ITIH5: variants seen among roughly 807,000 people sequenced by gnomAD.
ITIH5 encodes inter-alpha-trypsin inhibitor heavy chain 5.
In ITIH5, 65 loss-of-function variants were observed where a neutral mutation model predicts 77.5. The ratio of observed to expected loss-of-function variants is 0.84; its 90% CI spans 0.69 to 1.03. ITIH5 has a LOEUF of 1.03. ITIH5 is among the 50% of genes least tolerant of loss of function. The probability of loss-of-function intolerance (pLI) is 0.00; values close to 1 mark genes in which losing one functional copy is unlikely to be tolerated. For missense variants in ITIH5, 1,208 were observed against 1,213.1 expected (o/e 1.00, Z 0.06); for synonymous variants, 525 against 494.3 (o/e 1.06, Z -0.82).
chr10:7,567,481 C>T (rs112242464), intron 12 of ITIH5, among the ~76,000 whole-genome samples: 3,531 of 145,586 alleles, frequency 0.024, 71 homozygotes, highest in Non-Finnish European at 0.037. Context: ...CATGCTATCC[C>T]GCCCCCCTAC....
In ITIH5 at chr10:7,566,271, T is replaced by C; in HGVS notation, c.2286A>G (p.Arg762=). 1.2e-6 allele frequency: 2 copies of C among 1,613,528 alleles called. No individual in the cohort carries two copies. The highest frequency in any genetic ancestry group is 1.7e-6 in the Non-Finnish European group (2 of 1,179,800). Residue 762 remains arginine (R), a synonymous_variant, in exon 13 of 14, where the codon AGA becomes AGG. Coordinates refer to ENST00000397146, the MANE Select transcript of ITIH5 (RefSeq NM_030569.7). ...GTCTGTCCCCACCATCCAAGATGAC[T>C]CTGCTCGGTGTGATCTCGAGATAAG... The part of the protein sequence containing the change: ...ERSYLEITPS[R]VILDGGDRLV...
At chr10:7,616,396 T>C (rs952401087) in intron 6 of ITIH5, among the ~76,000 whole-genome samples, 4 of 142,852 alleles carry the variant, frequency 2.8e-5, no homozygotes, top group Non-Finnish European at 6.0e-5. Flanking sequence ...TCCTTCATTA[T>C]GTTTTTTTTA....
chr10:7,602,446 T>G (rs1244060351), intron 7 of ITIH5, among the ~76,000 whole-genome samples: 1 of 152,308 alleles, frequency 6.6e-6, no homozygotes, highest in Non-Finnish European at 1.5e-5. Context: ...AACTAAATCA[T>G]GGAGGCGGTT....
At chr10:7,628,376 T>A (rs907875679) in intron 5 of ITIH5, among the ~76,000 whole-genome samples, 1 of 152,380 alleles carries the variant, frequency 6.6e-6, no homozygotes, top group African/African-American at 2.4e-5. Flanking sequence ...ATCATACACA[T>A]GTGACCTTTT....
intron 3 of ITIH5, 89 bp downstream of exon 3, chr10:7,641,838 C>T: frequency 9.5e-7 from 1 of 1,047,434 alleles, no homozygotes; most frequent in South Asian, 1.5e-5. Context: ...TATAAATCCT[C>T]ACAGTCACAA....
chr10:7,573,136 C>T lies in ITIH5; in HGVS notation c.2032+6G>A, dbSNP rs768047108. 67 of 1,612,738 alleles carry T rather than the reference C, an allele frequency of 4.2e-5. No homozygotes were observed. Among genetic ancestry groups the T allele is most frequent in the Non-Finnish European group, 5.3e-5 (63 of 1,178,936 alleles). The stretch of plus-strand genomic sequence containing the variant: ...AATCCACACACAACCGCATCCTTTG[C>T]TTTACCTGATGTTTTAGAGATTTTA... On this transcript the variant is annotated splice_donor_region_variant and intron_variant, in intron 11 of 13. Coordinates refer to ENST00000397146, the MANE Select transcript of ITIH5 (RefSeq NM_030569.7).
intron 7 of ITIH5, among the ~76,000 whole-genome samples, chr10:7,608,038 T>G (rs1833166716): frequency 6.6e-6 from 1 of 152,218 alleles, no homozygotes. Context: ...TTGTCGATTT[T>G]TATTTGCATG....
chr10:7,562,282 A>T lies in ITIH5; in HGVS notation c.*801T>A, dbSNP rs1319338377. 6.6e-6 allele frequency: 1 copy of T among 152,256 alleles called. No individual in the cohort carries two copies. The highest frequency in any genetic ancestry group is 1.5e-5 in the Non-Finnish European group (1 of 68,046). 9.4% of individuals were successfully genotyped at this position (152,256 alleles called of 1,614,324 possible). A position where few individuals can be genotyped will look rare whatever the true frequency, so the allele number is the denominator to read the frequency against. On this transcript the variant is annotated 3_prime_UTR_variant, in exon 14 of 14. Transcript: ENST00000397146. Reference sequence around the variant, plus strand: ...TTGGCCAACTCTTCGTCACCAAGACATGCCAGTAAAATCAACCACATGGAG... The same window carrying T: ...TTGGCCAACTCTTCGTCACCAAGACTTGCCAGTAAAATCAACCACATGGAG...
intron 2 of ITIH5, among the ~76,000 whole-genome samples, chr10:7,648,399 A>C (rs1834040390): frequency 6.6e-6 from 1 of 152,266 alleles, no homozygotes; most frequent in African/African-American, 2.4e-5. Context: ...AACCTCAGTT[A>C]TCATCCATTA....
At chr10:7,606,009 A>G (rs10752112) in intron 7 of ITIH5, among the ~76,000 whole-genome samples, 151,370 of 152,356 alleles carry the variant, frequency 0.99, 75,201 homozygotes, top group Middle Eastern at 1. Context: ...AGCACCCCAA[A>G]CTCTATACTG....
At chr10:7,629,513 G>A (rs1004010812) in intron 5 of ITIH5, among the ~76,000 whole-genome samples, 7 of 128,014 alleles carry the variant, frequency 5.5e-5, no homozygotes, top group African/African-American at 8.1e-5. Context: ...ATGTTGCAGC[G>A]TGTGTCCGTG....
intron 5 of ITIH5, among the ~76,000 whole-genome samples, chr10:7,630,394 T>G (rs1215011438): frequency 6.6e-6 from 1 of 152,254 alleles, no homozygotes; most frequent in East Asian, 1.9e-4. Context: ...TCGTTTTAAC[T>G]TTTTAAGGAA....
chr10:7,653,146 A>C (rs936815597), intron 2 of ITIH5, among the ~76,000 whole-genome samples: 1 of 152,234 alleles, frequency 6.6e-6, no homozygotes, highest in African/African-American at 2.4e-5. Flanking sequence ...GCTGATAGAC[A>C]TGGTATGAAT....
intron 7 of ITIH5, among the ~76,000 whole-genome samples, chr10:7,604,245 T>C (rs1833077584): frequency 6.6e-6 from 1 of 152,180 alleles, no homozygotes; most frequent in Non-Finnish European, 1.5e-5. Flanking sequence ...ACCTTCTATG[T>C]TGTCTTCCTG....
At chr10:7,575,235 G>A (rs1451800152) in intron 10 of ITIH5, among the ~76,000 whole-genome samples, 2 of 152,136 alleles carry the variant, frequency 1.3e-5, no homozygotes, top group Non-Finnish European at 2.9e-5. Context: ...AGCCCTGCAG[G>A]GAAATTATGA....
intron 4 of ITIH5, among the ~76,000 whole-genome samples, chr10:7,640,196 C>G (rs968292897): frequency 6.9e-6 from 1 of 145,970 alleles, no homozygotes; most frequent in African/African-American, 2.5e-5. Context: ...GGCATAGTGG[C>G]TCACACCTGT....
chr10:7,559,881 T>C lies in ITIH5; in HGVS notation c.*3202A>G, dbSNP rs1410365220. ...TGTTTTGTTTTTTTTTGACGGAGTT[T>C]GGCTCTGTCACTCCAGCTGGAGTGC... On this transcript the variant is annotated 3_prime_UTR_variant, in exon 14 of 14. Transcript: ENST00000397146. 1 of 453,976 alleles carries C rather than the reference T, an allele frequency of 2.2e-6. No individual in the cohort carries two copies. Among genetic ancestry groups the C allele is most frequent in the African/African-American group, 2.0e-5 (1 of 49,724 alleles). The allele number at this position is 453,976 out of a possible 1,614,324, so 28.1% of individuals were successfully genotyped here. A position where few individuals can be genotyped will look rare whatever the true frequency, so the allele number is the denominator to read the frequency against.
chr10:7,644,815 A>C (rs1183888430), intron 2 of ITIH5, among the ~76,000 whole-genome samples: 1 of 141,492 alleles, frequency 7.1e-6, no homozygotes, highest in Non-Finnish European at 1.5e-5. Context: ...TATCACATAT[A>C]TATCATATAT....
At chr10:7,591,957 G>A (rs1009932329) in intron 7 of ITIH5, among the ~76,000 whole-genome samples, 11 of 152,180 alleles carry the variant, frequency 7.2e-5, no homozygotes, top group East Asian at 5.8e-4. Context: ...TGCAACCTCC[G>A]CCTCCTGGGT....
Sources: gnomAD v4.1 joint callset for allele counts (sites outside exome capture counted in the v4.1 genomes callset) on GRCh38, gnomAD v4.1.1 for gene constraint, MANE v1.5 for transcripts, NCBI Gene and HGNC (gene_info 2026-07-23, HGNC 2026-07-21) for gene names.